The following THADA variants were observed in gnomAD, a reference collection of about 807,000 sequenced individuals.
The protein encoded by THADA is THADA armadillo repeat containing.
In THADA, 213 loss-of-function variants were observed where a neutral mutation model predicts 219.8. The ratio of observed to expected loss-of-function variants is 0.97; its 90% CI spans 0.87 to 1.09. THADA has a LOEUF of 1.09. THADA is among the 50% of genes least tolerant of loss of function. The probability of loss-of-function intolerance (pLI) is 0.00; values close to 1 mark genes in which losing one functional copy is unlikely to be tolerated. For missense variants in THADA, 2,956 were observed against 2,311.3 expected (o/e 1.28, Z -5.72); for synonymous variants, 1,018 against 828.9 (o/e 1.23, Z -3.92).
At chr2:43,556,614 A>G in intron 16 of THADA, 59 bp from the exon 17 acceptor site, 2 of 1,517,594 alleles carry the variant, frequency 1.3e-6, no homozygotes, top group Non-Finnish European at 1.8e-6. Context: ...ATTTAAAAAA[A>G]TAGTAAATTT....
intron 22 of THADA, among the ~76,000 whole-genome samples, chr2:43,522,631 G>T (rs1016097002): frequency 2.6e-5 from 4 of 152,188 alleles, no homozygotes; most frequent in Non-Finnish European, 5.9e-5. Context: ...TTGTCTAAAT[G>T]ACAAAGTGTT....
intron 22 of THADA, among the ~76,000 whole-genome samples, chr2:43,514,925 T>TATA (rs572737770): frequency 0.019 from 1,212 of 62,428 alleles, 248 homozygotes; most frequent in African/African-American, 0.085. Context: ...ATGTATAATA[T>TATA]ATATTTTACG....
chr2:43,519,926 A>C (rs980802686), intron 22 of THADA, among the ~76,000 whole-genome samples: 2 of 152,226 alleles, frequency 1.3e-5, no homozygotes, highest in Non-Finnish European at 2.9e-5. Flanking sequence ...CTCCCCAGCA[A>C]GGAAAGATTT....
At chr2:43,577,725 A>G (rs568109933) in intron 9 of THADA, among the ~76,000 whole-genome samples, 28 of 152,292 alleles carry the variant, frequency 1.8e-4, no homozygotes, top group Non-Finnish European at 3.7e-4. Context: ...GGCCTAAATT[A>G]TCAAATTATA....
intron 24 of THADA, among the ~76,000 whole-genome samples, chr2:43,501,306 C>CAAAAAAAAAAAAAA (rs1558864377): frequency 3.3e-4 from 4 of 12,280 alleles, no homozygotes; most frequent in African/African-American, 1.1e-3. Context: ...AACTCCAACT[C>CAAAAAAAAAAAAAA]CAAAAAAAAA....
chr2:43,321,064 C>T (rs1678649506), intron 30 of THADA, among the ~76,000 whole-genome samples: 1 of 152,140 alleles, frequency 6.6e-6, no homozygotes. Context: ...ATGACATTTT[C>T]CCCAATAAAT....
chr2:43,468,413 T>C (rs1684519247), intron 26 of THADA, among the ~76,000 whole-genome samples: 1 of 152,216 alleles, frequency 6.6e-6, no homozygotes, highest in Non-Finnish European at 1.5e-5. Context: ...CATTTTCTAC[T>C]GAATAACTAA....
intron 25 of THADA, 55 bp from the exon 26 acceptor site, chr2:43,485,380 C>T (rs981395229): frequency 4.8e-6 from 6 of 1,259,388 alleles, no homozygotes; most frequent in Non-Finnish European, 5.8e-6. Context: ...ATGAAACCAA[C>T]GTTTACAATG....
chr2:43,572,095 T>C (rs1574313905), intron 12 of THADA, among the ~76,000 whole-genome samples: 1 of 152,350 alleles, frequency 6.6e-6, no homozygotes, highest in South Asian at 2.1e-4. Flanking sequence ...TAAAGATTTT[T>C]ATTCCGTGGT....
At chr2:43,321,228 T>C (rs770904564) in intron 30 of THADA, among the ~76,000 whole-genome samples, 3 of 152,206 alleles carry the variant, frequency 2.0e-5, no homozygotes, top group Admixed American at 6.5e-5. Flanking sequence ...TTGAGTGTCT[T>C]TGGCCATGAA....
chr2:43,584,961 C>A (rs1361155177), intron 7 of THADA, among the ~76,000 whole-genome samples: 1 of 152,186 alleles, frequency 6.6e-6, no homozygotes, highest in East Asian at 1.9e-4. Flanking sequence ...ATGCACAGTG[C>A]ACGCCAAATA....
chr2:43,382,853 A>C, intron 29 of THADA, among the ~76,000 whole-genome samples: 1 of 152,236 alleles, frequency 6.6e-6, no homozygotes, highest in East Asian at 1.9e-4. Context: ...ACAGTCTTCC[A>C]AGCACACAAT....
At chr2:43,313,611 G>A (rs965634553) in intron 31 of THADA, among the ~76,000 whole-genome samples, 3 of 152,200 alleles carry the variant, frequency 2.0e-5, no homozygotes, top group Admixed American at 6.5e-5. Flanking sequence ...CTAATAACAC[G>A]CTCCAGTCCT....
Position 43,458,413 on chromosome 2 carries a change from A to G in THADA, c.3836+26821T>C, listed in dbSNP as rs139639618. ...ATCAGATATGTAACTTGGGGAAGTC[A>G]CCTAACTTCTGAGCCTCAGTTTCCT... On this transcript the variant is annotated intron_variant, in intron 26 of 37. Transcript: ENST00000405975. 1.9e-4 allele frequency among the ~76,000 whole-genome samples: 29 copies of G among 152,280 alleles called. No individual in the cohort carries two copies. In the East Asian group the frequency reaches 5.4e-3, roughly 28 times the overall value.
intron 10 of THADA, 82 bp downstream of exon 10, chr2:43,576,940 C>G: frequency 7.7e-7 from 1 of 1,293,176 alleles, no homozygotes; most frequent in Non-Finnish European, 1.1e-6. Flanking sequence ...ATTAGAGGCA[C>G]AAGCCACTCC....
At chr2:43,508,895 G>T in intron 22 of THADA, 115 bp from the exon 23 acceptor site, 1 of 1,008,762 alleles carries the variant, frequency 9.9e-7, no homozygotes, top group Non-Finnish European at 1.4e-6. Flanking sequence ...TTGAGTGGGG[G>T]TGAAACTAAA....
At chr2:43,475,365 G>C (rs1014058293) in intron 26 of THADA, among the ~76,000 whole-genome samples, 3 of 148,360 alleles carry the variant, frequency 2.0e-5, no homozygotes, top group Non-Finnish European at 3.0e-5. Flanking sequence ...GTTGCAGTGA[G>C]CCAAGGTTGT....
intron 26 of THADA, among the ~76,000 whole-genome samples, chr2:43,437,899 T>C (rs1055582824): frequency 2.6e-5 from 4 of 152,052 alleles, no homozygotes; most frequent in African/African-American, 9.7e-5. Flanking sequence ...AGAACTCAAG[T>C]GATCACTGAA....
intron 28 of THADA, among the ~76,000 whole-genome samples, chr2:43,421,242 C>T (rs1465554858): frequency 6.6e-6 from 1 of 152,194 alleles, no homozygotes; most frequent in Non-Finnish European, 1.5e-5. Context: ...ATAGTGAAAC[C>T]AAGGGGCCAG....
Sources: gnomAD v4.1 joint callset for allele counts (sites outside exome capture counted in the v4.1 genomes callset) on GRCh38, gnomAD v4.1.1 for gene constraint, MANE v1.5 for transcripts, NCBI Gene and HGNC (gene_info 2026-07-23, HGNC 2026-07-21) for gene names.